UBE2D2: variants seen among roughly 807,000 people sequenced by gnomAD.
The protein encoded by UBE2D2 is ubiquitin-conjugating enzyme E2 D2.
UBE2D2 carries 2 observed loss-of-function variants against 24.2 expected under a neutral mutation model. The observed-to-expected ratio is 0.08, with a 90% CI of 0.03 to 0.26. The LOEUF is 0.26. Ranked by LOEUF, UBE2D2 falls within the 10% of genes least tolerant of loss-of-function variation. The pLI, the probability that UBE2D2 is intolerant of heterozygous loss-of-function variation, is 1.00. For synonymous variants in UBE2D2, 58 were observed against 56.5 expected, an observed-to-expected ratio of 1.03 and a Z score of -0.12; for missense variants, 44 against 177.6, an observed-to-expected ratio of 0.25 and a Z score of 4.28.
intron 1 of UBE2D2, among the ~76,000 whole-genome samples, chr5:139,571,479 T>C (rs1753350891): frequency 6.6e-6 from 1 of 151,990 alleles, no homozygotes; most frequent in Admixed American, 6.6e-5. Flanking sequence ...CAGGAATTAC[T>C]TGATCTTTTC....
chr5:139,538,742 G>A (rs984972515), intron 1 of UBE2D2, among the ~76,000 whole-genome samples: 1 of 151,864 alleles, frequency 6.6e-6, no homozygotes, highest in East Asian at 1.9e-4. Context: ...GCATGGTGGC[G>A]CATGCCTGTA....
intron 1 of UBE2D2, among the ~76,000 whole-genome samples, chr5:139,573,693 G>T (rs1447049909): frequency 6.6e-6 from 1 of 152,032 alleles, no homozygotes; most frequent in Non-Finnish European, 1.5e-5. Context: ...TTCTCGGCCG[G>T]GCGCAGTGGC....
intron 1 of UBE2D2, among the ~76,000 whole-genome samples, chr5:139,566,896 A>AT (rs1016538921): frequency 6.6e-6 from 1 of 151,518 alleles, no homozygotes; most frequent in Non-Finnish European, 1.5e-5. Context: ...ACAAATCCAG[A>AT]TTTTTTGGCA....
chr5:139,544,412 C>G (rs958731768), intron 1 of UBE2D2, among the ~76,000 whole-genome samples: 3 of 150,930 alleles, frequency 2.0e-5, no homozygotes, highest in Non-Finnish European at 4.4e-5. Flanking sequence ...CTCAGCCTCC[C>G]GAAGTAGCTG....
intron 1 of UBE2D2, among the ~76,000 whole-genome samples, chr5:139,563,226 C>G (rs1355827473): frequency 6.6e-6 from 1 of 152,142 alleles, no homozygotes; most frequent in African/African-American, 2.4e-5. Context: ...CTCAGCTCAG[C>G]GGTTGGTCCT....
At chr5:139,562,304 A>G in intron 1 of UBE2D2, 8 of 1,351,030 alleles carry the variant, frequency 5.9e-6, no homozygotes, top group Non-Finnish European at 7.8e-6. Flanking sequence ...CCCGATCCAC[A>G]AGTATATCCT....
chr5:139,579,870 A>C (rs1753556183), intron 1 of UBE2D2, among the ~76,000 whole-genome samples: 1 of 151,804 alleles, frequency 6.6e-6, no homozygotes, highest in Admixed American at 6.6e-5. Context: ...ACATGGTGAA[A>C]CCCTGTCTCT....
chr5:139,615,829 ATTT>A (rs200247238), intron 5 of UBE2D2, among the ~76,000 whole-genome samples: 3 of 95,406 alleles, frequency 3.1e-5, no homozygotes, highest in African/African-American at 4.8e-5. Context: ...AATAATCTAG[ATTT>A]TTTTTTTTTT....
At chr5:139,579,939 C>G (rs562521539) in intron 1 of UBE2D2, among the ~76,000 whole-genome samples, 1 of 151,404 alleles carries the variant, frequency 6.6e-6, no homozygotes, top group East Asian at 2.0e-4. Flanking sequence ...CCCAGCTACT[C>G]GGGAGGCTGA....
At chr5:139,559,399 C>G (rs1372111678), upstream of UBE2D2, among the ~76,000 whole-genome samples, 2 of 150,856 alleles carry the variant, frequency 1.3e-5, no homozygotes, top group Non-Finnish European at 2.9e-5. Flanking sequence ...GCACTCCAGC[C>G]TGGGCGACAG....
intron 5 of UBE2D2, among the ~76,000 whole-genome samples, chr5:139,619,984 C>T (rs1754720478): frequency 6.6e-6 from 1 of 152,286 alleles, no homozygotes; most frequent in African/African-American, 2.4e-5. Flanking sequence ...GGGGGAGCCA[C>T]CTGTCTCACA....
intron 1 of UBE2D2, among the ~76,000 whole-genome samples, chr5:139,555,613 T>C (rs1267932973): frequency 3.3e-5 from 5 of 151,994 alleles, no homozygotes; most frequent in Non-Finnish European, 5.9e-5. Context: ...AAATTGGTCA[T>C]CTAAACTCCT....
At chr5:139,542,004 T>C (rs781234243) in intron 1 of UBE2D2, among the ~76,000 whole-genome samples, 7 of 151,968 alleles carry the variant, frequency 4.6e-5, no homozygotes, top group Non-Finnish European at 7.4e-5. Flanking sequence ...CTGGCCAACA[T>C]GGCAAAAACC....
At chr5:139,591,098 A>G (rs375184212) in intron 1 of UBE2D2, among the ~76,000 whole-genome samples, 14 of 147,254 alleles carry the variant, frequency 9.5e-5, no homozygotes, top group African/African-American at 2.8e-4. Context: ...TGCCCAACCT[A>G]TGGTGGGTAT....
chr5:139,557,913 T>A (rs540769772), upstream of UBE2D2, among the ~76,000 whole-genome samples: 72 of 151,916 alleles, frequency 4.7e-4, no homozygotes, highest in Non-Finnish European at 7.2e-4. Flanking sequence ...TGATTTTTTT[T>A]AAAAAAAGAT....
chr5:139,535,924 G>C (rs182885719), intron 1 of UBE2D2, among the ~76,000 whole-genome samples: 1 of 150,894 alleles, frequency 6.6e-6, no homozygotes. Context: ...ATGGAGTCTC[G>C]CTCTGTTGCC....
chr5:139,564,723 G>T (rs1753181897), intron 1 of UBE2D2, among the ~76,000 whole-genome samples: 1 of 152,150 alleles, frequency 6.6e-6, no homozygotes, highest in African/African-American at 2.4e-5. Flanking sequence ...CAAAGTGCTG[G>T]GATTGCAGAT....
upstream of UBE2D2, among the ~76,000 whole-genome samples, chr5:139,558,029 T>C (rs1753004916): frequency 6.6e-6 from 1 of 151,406 alleles, no homozygotes; most frequent in Non-Finnish European, 1.5e-5. Flanking sequence ...GAGCCAGGAG[T>C]TGGAGGCTGA....
intron 1 of UBE2D2, among the ~76,000 whole-genome samples, chr5:139,590,784 T>TC (rs1561513248): frequency 1.8e-5 from 2 of 108,584 alleles, no homozygotes; most frequent in African/African-American, 4.1e-5. Context: ...CTCTTCTTCT[T>TC]TTTTTTTTTT....
Sources: allele counts gnomAD v4.1 joint callset (sites outside exome capture counted in the v4.1 genomes callset), GRCh38; gene constraint gnomAD v4.1.1; transcripts MANE v1.5; gene names NCBI Gene and HGNC (gene_info 2026-07-23, HGNC 2026-07-21).